LMLN: variants seen among roughly 807,000 people sequenced by gnomAD.
LMLN encodes the protein leishmanolysin like peptidase.
In LMLN, 70 loss-of-function variants were observed where a neutral mutation model predicts 92.3. The ratio of observed to expected loss-of-function variants is 0.76; its 90% CI spans 0.63 to 0.92. LMLN has a LOEUF of 0.92. Among genes scored for constraint, LMLN ranks in the 40% least tolerant of loss-of-function variants. The pLI is 0.00. For missense variants in LMLN, 691 were observed against 814.6 expected, an observed-to-expected ratio of 0.85 and a Z score of 1.85; for synonymous variants, 308 against 296.2, an observed-to-expected ratio of 1.04 and a Z score of -0.41.
intron 7 of LMLN, among the ~76,000 whole-genome samples, chr3:197,984,753 G>A (rs1685437609): frequency 6.6e-6 from 1 of 151,674 alleles, no homozygotes; most frequent in African/African-American, 2.4e-5. Context: ...CCAGCCCTCT[G>A]CTGCTGCAAC....
intron 1 of LMLN, among the ~76,000 whole-genome samples, chr3:197,973,220 A>G (rs1247051426): frequency 6.7e-6 from 1 of 149,610 alleles, no homozygotes; most frequent in Non-Finnish European, 1.5e-5. Flanking sequence ...TACCATATCC[A>G]TTTGCTGTGC....
chr3:197,996,082 GTTAAC>G, intron 9 of LMLN, 88 bp from the exon 10 acceptor site: 1 of 542,150 alleles, frequency 1.8e-6, no homozygotes, highest in Non-Finnish European at 3.1e-6. Flanking sequence ...ATTCTTTAAT[GTTAAC>G]TTATTATATT....
At chr3:197,984,088 T>C (rs77196201) in intron 7 of LMLN, 40 bp downstream of exon 7, 72,000 of 1,279,690 alleles carry the variant, frequency 0.056, 2,459 homozygotes, top group African/African-American at 0.11. Context: ...CATGCCTTGA[T>C]TTTCTGCTTA....
At chr3:198,010,677 C>A (rs919013870) in intron 11 of LMLN, among the ~76,000 whole-genome samples, 3 of 152,042 alleles carry the variant, frequency 2.0e-5, no homozygotes, top group Non-Finnish European at 4.4e-5. Context: ...TCTTGAACTC[C>A]TGGGCTCTAG....
At chr3:197,988,582 C>G (rs970993412) in intron 8 of LMLN, among the ~76,000 whole-genome samples, 6 of 136,910 alleles carry the variant, frequency 4.4e-5, no homozygotes, top group Admixed American at 8.4e-5. Flanking sequence ...CAGTGTTGAT[C>G]TTCCCAGGCT....
intron 1 of LMLN, among the ~76,000 whole-genome samples, chr3:197,973,209 G>A (rs1721277710): frequency 6.6e-6 from 1 of 151,664 alleles, no homozygotes; most frequent in Non-Finnish European, 1.5e-5. Flanking sequence ...TTGCTAAAAT[G>A]TACCATATCC....
At chr3:197,999,036 G>A (rs1488353843) in intron 10 of LMLN, among the ~76,000 whole-genome samples, 2 of 152,156 alleles carry the variant, frequency 1.3e-5, no homozygotes, top group Non-Finnish European at 2.9e-5. Context: ...CCAGCTGCCT[G>A]CCATTCCAAG....
At chr3:198,038,535 A>G (rs768733535) in intron 15 of LMLN, 32 bp from the exon 17 acceptor site, 2 of 1,468,418 alleles carry the variant, frequency 1.4e-6, no homozygotes, top group African/African-American at 1.4e-5. Flanking sequence ...AAAATTGTTT[A>G]TAGAAAGTCA....
chr3:197,999,434 T>G, intron 11 of LMLN, 92 bp downstream of exon 11: 1 of 818,776 alleles, frequency 1.2e-6, no homozygotes, highest in Non-Finnish European at 2.1e-6. Flanking sequence ...CATTTTATGC[T>G]GAAGCAAAAT....
intron 1 of LMLN, among the ~76,000 whole-genome samples, chr3:197,970,712 T>G (rs1721199442): frequency 1.3e-5 from 2 of 152,216 alleles, no homozygotes; most frequent in Non-Finnish European, 2.9e-5. Flanking sequence ...TATAACCTAG[T>G]GAAGTTTTAA....
At chr3:198,020,483 A>G (rs1487178784) in intron 12 of LMLN, among the ~76,000 whole-genome samples, 1 of 152,250 alleles carries the variant, frequency 6.6e-6, no homozygotes, top group Non-Finnish European at 1.5e-5. Context: ...TAAAATAGTA[A>G]CTATATTCAT....
intron 1 of LMLN, among the ~76,000 whole-genome samples, chr3:197,967,643 C>A (rs1017897433): frequency 6.6e-6 from 1 of 152,044 alleles, no homozygotes; most frequent in African/African-American, 2.4e-5. Context: ...ACATCTTAAA[C>A]AACAGAAAAC....
intron 11 of LMLN, among the ~76,000 whole-genome samples, chr3:198,006,880 T>G (rs1485727916): frequency 6.6e-6 from 1 of 152,168 alleles, no homozygotes; most frequent in Non-Finnish European, 1.5e-5. Context: ...GTCTGGCTAA[T>G]TTTTGAATTT....
At chr3:197,995,778 G>A (rs140141422) in intron 9 of LMLN, among the ~76,000 whole-genome samples, 1,836 of 152,036 alleles carry the variant, frequency 0.012, 15 homozygotes, top group Non-Finnish European at 0.017. Context: ...ATATTAGCTC[G>A]ATATAATTAT....
chr3:198,021,334 T>C, intron 12 of LMLN, 112 bp from the exon 14 acceptor site: 1 of 827,466 alleles, frequency 1.2e-6, no homozygotes, highest in South Asian at 1.6e-5. Context: ...AAAGGTACAT[T>C]AGTATCTTGT....
chr3:198,001,445 T>TGTGAA (rs1306192954), intron 11 of LMLN, among the ~76,000 whole-genome samples: 4 of 152,212 alleles, frequency 2.6e-5, no homozygotes, highest in Non-Finnish European at 5.9e-5. Context: ...CTCATCGACA[T>TGTGAA]GTACCTTCAC....
At chr3:197,999,915 T>C (rs1224573136) in intron 11 of LMLN, among the ~76,000 whole-genome samples, 1 of 152,162 alleles carries the variant, frequency 6.6e-6, no homozygotes, top group African/African-American at 2.4e-5. Flanking sequence ...TGAGCCCATA[T>C]GAAGGAAAGA....
chr3:198,013,374 G>T (rs1279654111), intron 11 of LMLN, among the ~76,000 whole-genome samples: 2 of 90,372 alleles, frequency 2.2e-5, no homozygotes, highest in Admixed American at 2.0e-4. Context: ...CCCCTAACTA[G>T]TCTGACTTCT....
chr3:198,010,512 G>A (rs1445472194), intron 11 of LMLN, among the ~76,000 whole-genome samples: 2 of 151,156 alleles, frequency 1.3e-5, no homozygotes, highest in South Asian at 2.1e-4. Context: ...CAATGGGTGC[G>A]ATCATGAGGC....
Sources: gnomAD v4.1 joint callset for allele counts (sites outside exome capture counted in the v4.1 genomes callset) on GRCh38, gnomAD v4.1.1 for gene constraint, MANE v1.5 for transcripts, NCBI Gene and HGNC (gene_info 2026-07-23, HGNC 2026-07-21) for gene names.